FER: variants seen among roughly 807,000 people sequenced by gnomAD.
FER encodes FER tyrosine kinase, also known as tyrosine-protein kinase Fer.
In FER, 63 loss-of-function variants were observed where a neutral mutation model predicts 111.0. The ratio of observed to expected loss-of-function variants is 0.57; its 90% CI spans 0.46 to 0.70. The LOEUF is 0.70. Ranked by LOEUF, FER falls within the 30% of genes least tolerant of loss-of-function variation. FER has a pLI of 0.00. For missense variants in FER, 914 were observed against 954.0 expected (o/e 0.96, Z 0.55); for synonymous variants, 327 against 313.9 (o/e 1.04, Z -0.44).
At chr5:109,020,096 G>A (rs72790539) in intron 13 of FER, among the ~76,000 whole-genome samples, 17,785 of 151,818 alleles carry the variant, frequency 0.12, 1,101 homozygotes, top group Non-Finnish European at 0.14. Context: ...CTTAATGATT[G>A]GCTTTCTGAA....
At chr5:108,946,898 C>A (rs1047788999) in intron 11 of FER, among the ~76,000 whole-genome samples, 6 of 151,902 alleles carry the variant, frequency 3.9e-5, no homozygotes, top group African/African-American at 1.4e-4. Context: ...TAATTCTGGT[C>A]CTGATGGATT....
chr5:108,865,781 G>A (rs1763987121), intron 5 of FER, among the ~76,000 whole-genome samples: 2 of 152,180 alleles, frequency 1.3e-5, no homozygotes, highest in South Asian at 4.1e-4. Flanking sequence ...CGAAGGATAT[G>A]AACAGACACT....
At chr5:108,897,896 G>A in intron 10 of FER, 48 bp downstream of exon 10, 1 of 1,432,182 alleles carries the variant, frequency 7.0e-7, no homozygotes, top group Non-Finnish European at 9.4e-7. Flanking sequence ...GTAGTGTCTA[G>A]GTAATAAGTG....
intron 13 of FER, among the ~76,000 whole-genome samples, chr5:108,996,358 A>G (rs910973854): frequency 1.3e-5 from 2 of 152,142 alleles, no homozygotes; most frequent in Non-Finnish European, 2.9e-5. Flanking sequence ...CTGAATGGTA[A>G]TGCCTAGGTT....
chr5:108,916,157 A>T (rs1752236993), intron 10 of FER, among the ~76,000 whole-genome samples: 1 of 152,222 alleles, frequency 6.6e-6, no homozygotes, highest in African/African-American at 2.4e-5. Context: ...TAAAATAAAA[A>T]TATTTATTGA....
At chr5:108,839,709 C>T (rs1248623567) in intron 5 of FER, among the ~76,000 whole-genome samples, 1 of 151,280 alleles carries the variant, frequency 6.6e-6, no homozygotes, top group African/African-American at 2.4e-5. Flanking sequence ...TCTGGAGTAG[C>T]TGGGACTACA....
At chr5:108,787,774 A>G (rs1352694308) in intron 2 of FER, among the ~76,000 whole-genome samples, 5 of 152,122 alleles carry the variant, frequency 3.3e-5, no homozygotes, top group Admixed American at 3.3e-4. Context: ...TGCCCACTAC[A>G]GGTCTCCTCC....
At chr5:109,175,895 C>T (rs965104332) in intron 17 of FER, among the ~76,000 whole-genome samples, 5 of 152,170 alleles carry the variant, frequency 3.3e-5, no homozygotes, top group Non-Finnish European at 7.4e-5. Context: ...GGGAGAATCG[C>T]ATGAACGTGG....
At chr5:108,927,911 C>T (rs944937538) in intron 10 of FER, among the ~76,000 whole-genome samples, 1 of 152,156 alleles carries the variant, frequency 6.6e-6, no homozygotes, top group African/African-American at 2.4e-5. Context: ...GCTCTTAGGT[C>T]TTCTTGTTTC....
intron 16 of FER, among the ~76,000 whole-genome samples, chr5:109,055,794 A>G: frequency 6.8e-6 from 1 of 147,770 alleles, no homozygotes; most frequent in East Asian, 1.9e-4. Flanking sequence ...TTGTCTCAAA[A>G]AAAAAAAAAA....
intron 19 of FER, 145 bp downstream of exon 19, chr5:109,186,467 C>G: frequency 8.6e-7 from 1 of 1,167,318 alleles, no homozygotes; most frequent in Non-Finnish European, 1.2e-6. Flanking sequence ...GCAGATTTAT[C>G]TAACATCTCT....
At chr5:108,976,550 A>G (rs369227206) in intron 13 of FER, among the ~76,000 whole-genome samples, 5 of 152,128 alleles carry the variant, frequency 3.3e-5, no homozygotes, top group Non-Finnish European at 5.9e-5. Flanking sequence ...GACCCCCTGC[A>G]TAGTCAAAAA....
chr5:108,879,914 T>G (rs1765517991), intron 8 of FER, among the ~76,000 whole-genome samples: 1 of 151,736 alleles, frequency 6.6e-6, no homozygotes, highest in Non-Finnish European at 1.5e-5. Flanking sequence ...TTCACCATGT[T>G]GGCCAGGCTG....
rs1245026520 is a variant in FER, at chr5:109,037,410, T to A, written c.1657-12T>A. 2 of 1,609,590 alleles carry A rather than the reference T, an allele frequency of 1.2e-6. No individual in the cohort carries two copies. Among genetic ancestry groups the A allele is most frequent in the Admixed American group, 3.3e-5 (2 of 59,844 alleles). On this transcript the variant is annotated splice_polypyrimidine_tract_variant and intron_variant, in intron 13 of 19. Coordinates refer to ENST00000281092, the MANE Select transcript of FER (RefSeq NM_005246.4). Reference sequence around the variant, plus strand: ...GCTTGTACTAAACAACTGTTCTTATTCTTTGCTGTAGGACAAGAAATGGAT... The same window carrying A: ...GCTTGTACTAAACAACTGTTCTTATACTTTGCTGTAGGACAAGAAATGGAT...
At chr5:108,923,289 G>A (rs1753277057) in intron 10 of FER, among the ~76,000 whole-genome samples, 1 of 151,938 alleles carries the variant, frequency 6.6e-6, no homozygotes. Flanking sequence ...AATTTAAAAA[G>A]TGAGTATCCA....
chr5:109,069,239 A>T (rs1775488679), intron 16 of FER, among the ~76,000 whole-genome samples: 1 of 152,188 alleles, frequency 6.6e-6, no homozygotes, highest in East Asian at 1.9e-4. Context: ...TGTAGAAAGG[A>T]ATGTGTTTCT....
intron 2 of FER, chr5:108,785,178 C>G (rs1257377297): frequency 1.6e-6 from 1 of 616,368 alleles, no homozygotes; most frequent in Non-Finnish European, 2.8e-6. Context: ...ATTGGCCACA[C>G]AGGTTATCTG....
At chr5:108,976,358 T>C (rs921522240) in intron 13 of FER, among the ~76,000 whole-genome samples, 3 of 152,224 alleles carry the variant, frequency 2.0e-5, no homozygotes, top group Non-Finnish European at 4.4e-5. Context: ...TTAAAACTTA[T>C]GATACTTCTT....
At chr5:108,880,679 G>T (rs965622320) in intron 8 of FER, among the ~76,000 whole-genome samples, 2 of 151,810 alleles carry the variant, frequency 1.3e-5, no homozygotes, top group African/African-American at 4.8e-5. Flanking sequence ...GTATCTCCAT[G>T]ATATTCAAAA....
Sources: gnomAD v4.1 joint callset for allele counts (sites outside exome capture counted in the v4.1 genomes callset) on GRCh38, gnomAD v4.1.1 for gene constraint, MANE v1.5 for transcripts, NCBI Gene and HGNC (gene_info 2026-07-23, HGNC 2026-07-21) for gene names.